PPM1G: variants seen among roughly 807,000 people sequenced by gnomAD.
PPM1G encodes the protein protein phosphatase 1G.
A neutral mutation model predicts 59.4 loss-of-function variants in PPM1G; 12 were observed. That is an observed-to-expected ratio of 0.20 (90% CI 0.13 to 0.33). The LOEUF is 0.33. Ranked by LOEUF, PPM1G falls within the 10% of genes least tolerant of loss-of-function variation. The probability of loss-of-function intolerance (pLI) is 1.00; values close to 1 mark genes in which losing one functional copy is unlikely to be tolerated. For synonymous variants in PPM1G, 245 were observed against 251.9 expected (o/e 0.97, Z 0.26); for missense variants, 392 against 681.3 (o/e 0.58, Z 4.73).
At chr2:27,390,729 G>A (rs1398975465) in intron 1 of PPM1G, among the ~76,000 whole-genome samples, 1 of 152,170 alleles carries the variant, frequency 6.6e-6, no homozygotes, top group Non-Finnish European at 1.5e-5. Context: ...TGATGCTGAG[G>A]TTTGGGGTAT....
chr2:27,381,562 A>G lies in PPM1G; in HGVS notation c.*37T>C, dbSNP rs760254759. On this transcript the variant is annotated 3_prime_UTR_variant, in exon 10 of 10. Transcript: ENST00000344034. ...ACTCAGTCTCAGGTCCGGAGGGCTC[A>G]GAAAACAGTCTAGGTGGGCAGGGGT... The G allele has an allele frequency of 1.9e-6, 3 of 1,612,430 alleles. No homozygotes were observed. Among genetic ancestry groups the G allele is most frequent in the Non-Finnish European group, 2.5e-6 (3 of 1,178,478 alleles).
intron 1 of PPM1G, among the ~76,000 whole-genome samples, chr2:27,400,791 A>G (rs1684162648): frequency 6.6e-6 from 1 of 152,182 alleles, no homozygotes; most frequent in African/African-American, 2.4e-5. Context: ...GAAAACTAGC[A>G]TCTCTTTCCT....
intron 1 of PPM1G, among the ~76,000 whole-genome samples, chr2:27,394,064 A>C (rs1683985755): frequency 1.3e-5 from 2 of 151,338 alleles, no homozygotes; most frequent in Admixed American, 1.3e-4. Context: ...GCCCGGCCTA[A>C]TTTTTTATTT....
chr2:27,409,417 A>G lies in PPM1G; in HGVS notation c.6T>C (p.Gly2=), dbSNP rs1390639781. 8 of 1,514,688 alleles carry G rather than the reference A, an allele frequency of 5.3e-6. No homozygotes were observed. The highest frequency in any genetic ancestry group is 7.1e-6 in the Non-Finnish European group (8 of 1,131,888). 93.8% of individuals were successfully genotyped at this position (1,514,688 alleles called of 1,614,324 possible). The stretch of plus-strand genomic sequence containing the variant: ...CCGTGTTGGGCTGGGAGAGGTAGGC[A>G]CCCATGGCGGCGGCTGGCCGGCGGC... M[G]AYLSQPNTVK... Residue 2 remains glycine (G), a synonymous_variant, in exon 1 of 10, where the codon GGT becomes GGC. Coordinates refer to ENST00000344034, the MANE Select transcript of PPM1G (RefSeq NM_177983.3).
Position 27,385,971 on chromosome 2 carries a change from G to C in PPM1G, c.277-92C>G, listed in dbSNP as rs549784613. On this transcript the variant is annotated intron_variant, in intron 3 of 9. Transcript: ENST00000344034. This position sits in a 1 kb window ranked among gnomAD's most constrained non-coding sequence, Gnocchi z 4.1. ...AGGATGGAATACAAATTAAGAGTGT[G>C]AGCCACCACACTAAGAGACACTCAC... is the stretch of plus-strand genomic sequence containing the variant. 6.9e-7 allele frequency: 1 copy of C among 1,453,864 alleles called. No individual in the cohort carries two copies. Among genetic ancestry groups the C allele is most frequent in the Admixed American group, 2.3e-5 (1 of 43,292 alleles). 90.1% of individuals were successfully genotyped at this position (1,453,864 alleles called of 1,614,324 possible). A position where few individuals can be genotyped will look rare whatever the true frequency, so the allele number is the denominator to read the frequency against.
In PPM1G at chr2:27,382,018, G is replaced by A. The variant is rs908420528; in HGVS notation, c.1434+108C>T. The A allele has an allele frequency of 8.4e-7, 1 of 1,191,642 alleles. No individual in the cohort carries two copies. The highest frequency in any genetic ancestry group is 1.2e-6 in the Non-Finnish European group (1 of 814,882). 73.8% of individuals were successfully genotyped at this position (1,191,642 alleles called of 1,614,324 possible). On this transcript the variant is annotated intron_variant, in intron 9 of 9. Transcript: ENST00000344034. The surrounding 1 kb of genome is among the most constrained non-coding windows in gnomAD (Gnocchi z 4.2). ...ACTTTGGAGTCGGGGTTTAGCGTCT[G>A]TCAGCAATTACTGATAATGCTCCCA...
intron 1 of PPM1G, among the ~76,000 whole-genome samples, chr2:27,393,662 G>A (rs1044987759): frequency 2.6e-5 from 4 of 151,992 alleles, no homozygotes; most frequent in South Asian, 2.1e-4. Context: ...TTGGCTCCCC[G>A]CAACCTCCAT....
intron 1 of PPM1G, among the ~76,000 whole-genome samples, chr2:27,400,566 C>A (rs1019672691): frequency 1.3e-5 from 2 of 152,196 alleles, no homozygotes; most frequent in Admixed American, 1.3e-4. Context: ...CCAGCCTGGA[C>A]AACACAGTAA....
chr2:27,384,938 T>A lies in PPM1G; in HGVS notation c.560A>T (p.Asn187Ile), dbSNP rs773243184. The stretch of plus-strand genomic sequence containing the variant: ...TGAGTCCTCAGGTCCTGCCTCCCCA[T>A]TGAGGCCCTGGGACCCTGGTTCCTC... ...TGEEPGSQGL[N>I]GEAGPEDSTR... Residue 187 changes from asparagine (N) to isoleucine (I), a missense_variant, in exon 5 of 10, where the codon AAT becomes ATT. Around this residue, in one of 6 missense-constraint regions of PPM1G, gnomAD observed 188 missense variants for 248.8 expected, o/e 0.76. Transcript: ENST00000344034. This position sits in a 1 kb window ranked among gnomAD's most constrained non-coding sequence, Gnocchi z 4.8. 3.1e-6 allele frequency: 5 copies of A among 1,614,080 alleles called. No homozygotes were observed. Among genetic ancestry groups the A allele is most frequent in the Non-Finnish European group, 3.4e-6 (4 of 1,180,034 alleles).
intron 1 of PPM1G, among the ~76,000 whole-genome samples, chr2:27,404,332 C>T (rs1233688530): frequency 6.7e-6 from 1 of 149,744 alleles, no homozygotes; most frequent in Non-Finnish European, 1.5e-5. Context: ...TGGATCACAA[C>T]GTCAGGAGTC....
chr2:27,389,268 A>T (rs986243615), intron 1 of PPM1G, among the ~76,000 whole-genome samples: 1 of 152,190 alleles, frequency 6.6e-6, no homozygotes, highest in African/African-American at 2.4e-5. Flanking sequence ...ACACATACAC[A>T]TATATGTATA....
chr2:27,381,391 CGAG>C lies in PPM1G; in HGVS notation c.*205_*207del. On this transcript the variant is annotated 3_prime_UTR_variant, in exon 10 of 10. Coordinates refer to ENST00000344034, the MANE Select transcript of PPM1G (RefSeq NM_177983.3). ...ACAGGCACAGAACCGGTGATGAGCC[CGAG>C]GAGCAGAGGCGGCTGGGAAGGACAG... The C allele has an allele frequency of 1.7e-6, 1 of 599,258 alleles. No individual in the cohort carries two copies. The highest frequency in any genetic ancestry group is 2.0e-5 in the South Asian group (1 of 50,508). The allele number at this position is 599,258 out of a possible 1,614,324, so 37.1% of individuals were successfully genotyped here.
chr2:27,383,707 A>G lies in PPM1G; in HGVS notation c.967-107T>C, dbSNP rs371204817. ...TTGCTTTCACTGGGACCCCCAAAAG[A>G]GCTTTAACAAACAGGAGAAGCACAC... On this transcript the variant is annotated intron_variant, in intron 6 of 9. Coordinates refer to ENST00000344034, the MANE Select transcript of PPM1G (RefSeq NM_177983.3). This position sits in a 1 kb window ranked among gnomAD's most constrained non-coding sequence, Gnocchi z 5.0. 7.3e-6 allele frequency: 9 copies of G among 1,235,922 alleles called. No individual in the cohort carries two copies. The African/African-American group carries it at 1.2e-4, about 17-fold the overall frequency. 76.6% of individuals were successfully genotyped at this position (1,235,922 alleles called of 1,614,324 possible).
At chr2:27,392,940 G>A in intron 1 of PPM1G, 1 of 1,460,432 alleles carries the variant, frequency 6.8e-7, no homozygotes, top group South Asian at 1.1e-5. Context: ...TCTCAATGAA[G>A]TCACACAAAT....
In PPM1G at chr2:27,382,003, C is replaced by T. The variant is rs145113546; in HGVS notation, c.1434+123G>A. Reference sequence around the variant, plus strand: ...ATGACAGAAGGTGGAACTTTGGAGTCGGGGTTTAGCGTCTGTCAGCAATTA... The same window carrying T: ...ATGACAGAAGGTGGAACTTTGGAGTTGGGGTTTAGCGTCTGTCAGCAATTA... On this transcript the variant is annotated intron_variant, in intron 9 of 9. Transcript: ENST00000344034. The surrounding 1 kb of genome is among the most constrained non-coding windows in gnomAD (Gnocchi z 4.2). The T allele has an allele frequency of 8.0e-4, 868 of 1,081,526 alleles. 6 individuals carry two copies. The African/African-American group carries it at 0.012, about 15-fold the overall frequency. 67.0% of individuals were successfully genotyped at this position (1,081,526 alleles called of 1,614,324 possible). A position where few individuals can be genotyped will look rare whatever the true frequency, so the allele number is the denominator to read the frequency against.
intron 1 of PPM1G, among the ~76,000 whole-genome samples, chr2:27,401,730 G>T (rs1684183651): frequency 6.6e-6 from 1 of 152,128 alleles, no homozygotes; most frequent in South Asian, 2.1e-4. Context: ...GGATGCTGAG[G>T]CAAGAGAATT....
Position 27,396,819 on chromosome 2 carries a change from C to CAAAAAA in PPM1G, c.121-9667_121-9662dup, listed in dbSNP as rs771980529. The stretch of plus-strand genomic sequence containing the variant: ...TGACAGAGCAAGACTCCGTCTCCAA[C>CAAAAAA]AAAAAAAAAAAAAGAAAAGAAATGA... On this transcript the variant is annotated intron_variant, in intron 1 of 9. Coordinates refer to ENST00000344034, the MANE Select transcript of PPM1G (RefSeq NM_177983.3). 9.9e-4 allele frequency among the ~76,000 whole-genome samples: 124 copies of CAAAAAA among 125,348 alleles called. 4 individuals carry two copies. The highest frequency in any genetic ancestry group is 1.2e-3 in the Admixed American group (15 of 12,288). The allele number at this position is 125,348 out of a possible 152,430, so 82.2% of individuals were successfully genotyped here.
At chr2:27,392,825 A>G in intron 1 of PPM1G, 1 of 1,491,068 alleles carries the variant, frequency 6.7e-7, no homozygotes, top group South Asian at 1.1e-5. Context: ...TGCTTGTCAA[A>G]GAGGTATTCT....
chr2:27,399,510 TAGAAA>T (rs1451106876), intron 1 of PPM1G, among the ~76,000 whole-genome samples: 1 of 151,982 alleles, frequency 6.6e-6, no homozygotes, highest in African/African-American at 2.4e-5. Context: ...CTGTCTCTAC[TAGAAA>T]TACAAAAAAT....
Sources: gnomAD v4.1 joint callset for allele counts (sites outside exome capture counted in the v4.1 genomes callset) on GRCh38, gnomAD v4.1.1 for gene constraint, gnomAD v4.1.1 regional missense constraint, Gnocchi (gnomAD v3.1) non-coding constraint, MANE v1.5 for transcripts, NCBI Gene and HGNC (gene_info 2026-07-23, HGNC 2026-07-21) for gene names.